SIPA1L2: variants seen among roughly 807,000 people sequenced by gnomAD.
SIPA1L2 encodes signal induced proliferation associated 1 like 2.
SIPA1L2 carries 56 observed loss-of-function variants against 163.9 expected under a neutral mutation model. The ratio of observed to expected loss-of-function variants is 0.34; its 90% CI spans 0.28 to 0.43. The LOEUF (loss-of-function observed/expected upper bound fraction) is 0.43. Among genes scored for constraint, SIPA1L2 ranks in the 20% least tolerant of loss-of-function variants. SIPA1L2 has a pLI of 1.00. For synonymous variants in SIPA1L2, 877 were observed against 865.7 expected, an observed-to-expected ratio of 1.01 and a Z score of -0.23; for missense variants, 1,974 against 2,193.5, an observed-to-expected ratio of 0.90 and a Z score of 2.00.
chr1:232,527,006 G>C (rs1667742701), intron 2 of SIPA1L2, among the ~76,000 whole-genome samples: 1 of 152,184 alleles, frequency 6.6e-6, no homozygotes, highest in African/African-American at 2.4e-5. Context: ...CAGAGTGTCA[G>C]TCCAACTACT....
Position 232,455,628 on chromosome 1 carries a change from G to C in SIPA1L2, c.3095+5259C>G, listed in dbSNP as rs373725949. ...CCCGTGAGGCGGAGCTTGCAGCGAG[G>C]CGGAGCTTGCAGCGAGCCGGAGCTT... On this transcript the variant is annotated intron_variant, in intron 10 of 22. Coordinates refer to ENST00000674635, the MANE Select transcript of SIPA1L2 (RefSeq NM_020808.5). Among the ~76,000 whole-genome samples, 109 of 92,984 alleles carry C rather than the reference G, an allele frequency of 1.2e-3. 1 individual carries two copies. Among genetic ancestry groups the C allele is most frequent in the Non-Finnish European group, 1.7e-3 (80 of 47,642 alleles). 61.0% of individuals were successfully genotyped at this position (92,984 alleles called of 152,430 possible). A position where few individuals can be genotyped will look rare whatever the true frequency, so the allele number is the denominator to read the frequency against.
At chr1:232,579,747 C>T (rs1292143133) in intron 1 of SIPA1L2, among the ~76,000 whole-genome samples, 3 of 151,972 alleles carry the variant, frequency 2.0e-5, no homozygotes, top group Non-Finnish European at 2.9e-5. Flanking sequence ...TCTCCAAGCT[C>T]GATGAAAAAT....
At chr1:232,583,531 T>C (rs371121153) in intron 1 of SIPA1L2, among the ~76,000 whole-genome samples, 2 of 152,234 alleles carry the variant, frequency 1.3e-5, no homozygotes, top group African/African-American at 4.8e-5. Flanking sequence ...CCATTCTCTG[T>C]GTAGGCTGAA....
At chr1:232,557,510 T>C (rs1445546277) in intron 2 of SIPA1L2, among the ~76,000 whole-genome samples, 4 of 152,198 alleles carry the variant, frequency 2.6e-5, no homozygotes, top group Admixed American at 2.6e-4. Context: ...AGTCTTTCCA[T>C]TCCCAGCCAG....
At chr1:232,418,216 G>A (rs571465656) in intron 18 of SIPA1L2, among the ~76,000 whole-genome samples, 2 of 152,274 alleles carry the variant, frequency 1.3e-5, no homozygotes, top group South Asian at 2.1e-4. Context: ...CAGGAAAAGA[G>A]AAAAATAACA....
intron 11 of SIPA1L2, 56 bp from the exon 12 acceptor site, chr1:232,443,741 G>T: frequency 3.6e-6 from 5 of 1,389,794 alleles, no homozygotes; most frequent in East Asian, 2.5e-5. Context: ...CAAGCCCCTT[G>T]ACCTGGCCTG....
At chr1:232,434,036 G>A (rs77942833) in intron 15 of SIPA1L2, among the ~76,000 whole-genome samples, 4 of 152,252 alleles carry the variant, frequency 2.6e-5, no homozygotes, top group African/African-American at 9.6e-5. Context: ...TTATATAAAC[G>A]TAGTTACAGA....
At chr1:232,481,517 A>C (rs1030501628) in intron 6 of SIPA1L2, among the ~76,000 whole-genome samples, 9 of 152,218 alleles carry the variant, frequency 5.9e-5, no homozygotes, top group African/African-American at 2.2e-4. Flanking sequence ...GTCTTTCTCA[A>C]GCCATACTAA....
In SIPA1L2 at chr1:232,445,551, G is replaced by A. The variant is rs770190475; in HGVS notation, c.3331C>T (p.Arg1111Trp). 1.9e-6 allele frequency: 3 copies of A among 1,613,862 alleles called. No homozygotes were observed. The highest frequency in any genetic ancestry group is 1.1e-5 in the South Asian group (1 of 91,066). Residue 1111 changes from arginine (R) to tryptophan (W), a missense_variant, in exon 11 of 23, where the codon CGG becomes TGG. Arg to Trp is a moderately radical substitution (Grantham distance 101, BLOSUM62 -3). Coordinates refer to ENST00000674635, the MANE Select transcript of SIPA1L2 (RefSeq NM_020808.5). ...AAIPRSTSFD[R>W]KLPDGTRSSP... Reference sequence around the variant, plus strand: ...TACCTCGTGCCATCGGGCAGCTTCCGGTCGAAGGAGGTGCTTCGAGGAATG... The same window carrying A: ...TACCTCGTGCCATCGGGCAGCTTCCAGTCGAAGGAGGTGCTTCGAGGAATG...
rs367614664 is a variant in SIPA1L2 at position 232,493,659 on chromosome 1, C to T, written c.1485G>A (p.Glu495=). ...YYYRKFFYGK[E]HQNYFGIDEN... ...CATCTATTCCAAAGTAGTTTTGGTG[C>T]TCTATAATGGAAGAGAGAGGGTGGC... The change falls in exon 4 of 23, where the codon GAG becomes GAA. Residue 495 remains glutamate (E), a splice_region_variant and synonymous_variant. Transcript: ENST00000674635. 3 of 1,613,906 alleles carry T rather than the reference C, an allele frequency of 1.9e-6. No homozygotes were observed. Among genetic ancestry groups the T allele is most frequent in the South Asian group, 1.1e-5 (1 of 91,050 alleles).
intron 15 of SIPA1L2, among the ~76,000 whole-genome samples, chr1:232,437,287 G>T (rs942229575): frequency 1.3e-5 from 2 of 152,222 alleles, no homozygotes; most frequent in East Asian, 3.9e-4. Context: ...CTTTGAACTA[G>T]ATGTTAGCAG....
intron 3 of SIPA1L2, among the ~76,000 whole-genome samples, chr1:232,508,822 TG>T (rs1445964423): frequency 6.6e-6 from 1 of 152,232 alleles, no homozygotes; most frequent in Admixed American, 6.5e-5. Context: ...CTGGGTGCGG[TG>T]GCTCACGCCT....
At position 232,514,583 on chromosome 1, in the gene SIPA1L2, C is replaced by T. The variant is rs1238581994; in HGVS notation, c.757G>A (p.Gly253Arg). 1.2e-6 allele frequency: 2 copies of T among 1,614,200 alleles called. No homozygotes were observed. Residue 253 changes from glycine (G) to arginine (R), a missense_variant, in exon 3 of 23, where the codon GGA becomes AGA. Coordinates refer to ENST00000674635, the MANE Select transcript of SIPA1L2 (RefSeq NM_020808.5). ...AATCCTGAGATGCGGACAAATTCTC[C>T]CCTAGAAATCTGTGCTGCTGCATGA... ...SLHAAAQISRGEFVRISGLDY... is the reference protein window; with the variant it reads ...SLHAAAQISRREFVRISGLDY...
At chr1:232,508,223 AC>A (rs1282719392) in intron 3 of SIPA1L2, among the ~76,000 whole-genome samples, 1 of 152,142 alleles carries the variant, frequency 6.6e-6, no homozygotes, top group Non-Finnish European at 1.5e-5. Flanking sequence ...CTGAGTCACC[AC>A]GGAGGCCCAG....
chr1:232,625,112 G>T (rs536642752), intron 1 of SIPA1L2, among the ~76,000 whole-genome samples: 1 of 152,110 alleles, frequency 6.6e-6, no homozygotes, highest in South Asian at 2.1e-4. Context: ...AGTAGAACCA[G>T]CAAAGGAGGT....
intron 6 of SIPA1L2, among the ~76,000 whole-genome samples, chr1:232,483,043 A>G (rs1442995254): frequency 6.6e-6 from 1 of 152,240 alleles, no homozygotes; most frequent in Middle Eastern, 3.2e-3. Context: ...TAGCAACTAA[A>G]TAACAGCACA....
chr1:232,590,997 C>T (rs911546638), intron 1 of SIPA1L2, among the ~76,000 whole-genome samples: 2 of 152,200 alleles, frequency 1.3e-5, no homozygotes, highest in Admixed American at 6.5e-5. Flanking sequence ...GGCTGGTTAA[C>T]GGAAAGCCGG....
chr1:232,429,638 C>G (rs1572884957), intron 16 of SIPA1L2, among the ~76,000 whole-genome samples: 2 of 150,236 alleles, frequency 1.3e-5, no homozygotes, highest in East Asian at 3.9e-4. Flanking sequence ...CATTTCATAA[C>G]TTTTAAAACA....
intron 3 of SIPA1L2, among the ~76,000 whole-genome samples, chr1:232,508,222 C>A (rs995681335): frequency 2.6e-5 from 4 of 152,128 alleles, no homozygotes; most frequent in African/African-American, 9.7e-5. Flanking sequence ...CCTGAGTCAC[C>A]ACGGAGGCCC....
Sources: allele counts gnomAD v4.1 joint callset (sites outside exome capture counted in the v4.1 genomes callset), GRCh38; gene constraint gnomAD v4.1.1; transcripts MANE v1.5; gene names NCBI Gene and HGNC (gene_info 2026-07-23, HGNC 2026-07-21).